Variants in WIPI1 observed in about 807,000 individuals in gnomAD.
WIPI1 encodes WD repeat domain, phosphoinositide interacting 1.
WIPI1 carries 45 observed loss-of-function variants against 55.3 expected under a neutral mutation model. The observed-to-expected ratio is 0.81, with a 90% CI of 0.64 to 1.04. The LOEUF is 1.04. Among genes scored for constraint, WIPI1 ranks in the 50% least tolerant of loss-of-function variants. WIPI1 has a pLI of 0.00. For missense variants in WIPI1, 445 were observed against 559.0 expected, an observed-to-expected ratio of 0.80 and a Z score of 2.06; for synonymous variants, 195 against 217.6, an observed-to-expected ratio of 0.90 and a Z score of 0.92.
rs999984407 is a variant in WIPI1, at chr17:68,443,181, G to A, written c.430+1312C>T. Among the ~76,000 whole-genome samples, 62 of 152,154 alleles carry A rather than the reference G, an allele frequency of 4.1e-4. 1 individual carries two copies. Among genetic ancestry groups the A allele is most frequent in the African/African-American group, 1.5e-3 (62 of 41,426 alleles). ...GCTGGAGTGCAGTGGTGCGATCTCAGCTCACTGAAGCCTCCGCCTCCTGGG... is the reference window on the plus strand; with the variant it reads ...GCTGGAGTGCAGTGGTGCGATCTCAACTCACTGAAGCCTCCGCCTCCTGGG... On this transcript the variant is annotated intron_variant, in intron 4 of 12. Transcript: ENST00000262139.
In WIPI1 at chr17:68,437,016, A is replaced by ATGTGTGTGTGTGTGTGTGTGTG. The variant is rs71142180; in HGVS notation, c.431-538_431-537insCACACACACACACACACACACA. Among the ~76,000 whole-genome samples the ATGTGTGTGTGTGTGTGTGTGTG allele has an allele frequency of 5.0e-3, 724 of 144,634 alleles. 9 individuals carry two copies. The highest frequency in any genetic ancestry group is 0.016 in the African/African-American group (628 of 38,266). The allele number at this position is 144,634 out of a possible 152,430, so 94.9% of individuals were successfully genotyped here. A position where few individuals can be genotyped will look rare whatever the true frequency, so the allele number is the denominator to read the frequency against. ...CTCAAAAAAAAAAAAATATATATAT[A>ATGTGTGTGTGTGTGTGTGTGTG]TGTGTGTGTGTGTGTGTGTGTATAT... On this transcript the variant is annotated intron_variant, in intron 4 of 12. Transcript: ENST00000262139.
At position 68,421,763 on chromosome 17, in the gene WIPI1, G is replaced by A. The variant is rs756739192; in HGVS notation, c.*10C>T. On this transcript the variant is annotated 3_prime_UTR_variant, in exon 13 of 13. Transcript: ENST00000262139. ...GGGGGGATGTCCTGATTTCTGAGGT[G>A]TGCTTCTCATCATGACTGCTTCGTT... The A allele has an allele frequency of 6.2e-7, 1 of 1,614,080 alleles. No individual in the cohort carries two copies. The highest frequency in any genetic ancestry group is 1.7e-5 in the Admixed American group (1 of 60,006).
chr17:68,430,636 T>C (rs1397473472), intron 8 of WIPI1, among the ~76,000 whole-genome samples: 3 of 152,180 alleles, frequency 2.0e-5, no homozygotes, highest in Non-Finnish European at 4.4e-5. Context: ...TGTTTGATTG[T>C]AGATAACCCT....
intron 11 of WIPI1, 72 bp from the exon 12 acceptor site, chr17:68,426,247 A>AGGGGGGGGGGGGG: frequency 3.0e-6 from 2 of 655,814 alleles, no homozygotes; most frequent in Non-Finnish European, 4.7e-6. Context: ...GCGGGTGGGG[A>AGGGGGGGGGGGGG]GCGGGGGCTC....
intron 4 of WIPI1, among the ~76,000 whole-genome samples, chr17:68,442,695 C>T (rs768280635): frequency 3.9e-5 from 6 of 152,212 alleles, no homozygotes; most frequent in Non-Finnish European, 8.8e-5. Flanking sequence ...CCCTGCCAGC[C>T]TCAAGCTCTA....
intron 3 of WIPI1, among the ~76,000 whole-genome samples, chr17:68,449,058 T>G (rs937867933): frequency 6.6e-6 from 1 of 152,228 alleles, no homozygotes; most frequent in African/African-American, 2.4e-5. Flanking sequence ...CTCATAAATT[T>G]AAAAAGCATT....
At chr17:68,457,134 G>A (rs2084663933) in intron 1 of WIPI1, among the ~76,000 whole-genome samples, 1 of 151,850 alleles carries the variant, frequency 6.6e-6, no homozygotes, top group Non-Finnish European at 1.5e-5. Context: ...GCTCTGGGAG[G>A]ACACTGGGAG....
At chr17:68,430,257 C>G in intron 8 of WIPI1, 97 bp from the exon 9 acceptor site, 1 of 1,261,796 alleles carries the variant, frequency 7.9e-7, no homozygotes, top group Non-Finnish European at 1.1e-6. Flanking sequence ...ACACTCCCCG[C>G]AGCAGGGAGA....
intron 8 of WIPI1, among the ~76,000 whole-genome samples, chr17:68,430,854 G>A (rs757362408): frequency 6.6e-6 from 1 of 152,216 alleles, no homozygotes; most frequent in Non-Finnish European, 1.5e-5. Flanking sequence ...CCAGGAGCAG[G>A]CAACTGCTGA....
At position 68,423,936 on chromosome 17, in the gene WIPI1, A is replaced by C. The variant is rs907401107; in HGVS notation, c.1294-2116T>G. 6.6e-6 allele frequency among the ~76,000 whole-genome samples: 1 copy of C among 152,220 alleles called. No homozygotes were observed. The highest frequency in any genetic ancestry group is 2.1e-4 in the South Asian group (1 of 4,828). On this transcript the variant is annotated intron_variant, in intron 12 of 12. Transcript: ENST00000262139. This position sits in a 1 kb window ranked among gnomAD's most constrained non-coding sequence, Gnocchi z 4.4. ...ACAGACTTTTACCAAAATTAGTGAA[A>C]CGGAACCTAGTGAGTGTCTGGATGT...
Position 68,433,557 on chromosome 17 carries a change from A to G in WIPI1, c.711T>C (p.Ser237=). Residue 237 remains serine, a synonymous_variant, in exon 8 of 13, where the codon TCT becomes TCC. Transcript: ENST00000262139. ...ATTGTGAATCCATACTGAACACTAG[A>G]GAGCTGATTGTCACATACCTACAAG... The part of the protein sequence containing the change: ...RGMKRYVTIS[S]LVFSMDSQFL... 1 of 1,613,808 alleles carries G rather than the reference A, an allele frequency of 6.2e-7. No individual in the cohort carries two copies. The highest frequency in any genetic ancestry group is 8.5e-7 in the Non-Finnish European group (1 of 1,179,962).
intron 3 of WIPI1, among the ~76,000 whole-genome samples, chr17:68,447,816 C>T: frequency 6.6e-6 from 1 of 151,824 alleles, no homozygotes; most frequent in Admixed American, 6.6e-5. Flanking sequence ...CATGGTGAAA[C>T]CCCATCTCTA....
intron 4 of WIPI1, among the ~76,000 whole-genome samples, chr17:68,438,355 T>C (rs2083922064): frequency 6.6e-6 from 1 of 152,214 alleles, no homozygotes. Flanking sequence ...TCACCCCTTC[T>C]GAATTCTTTG....
intron 3 of WIPI1, 98 bp downstream of exon 3, chr17:68,450,630 A>C: frequency 9.0e-6 from 13 of 1,445,196 alleles, no homozygotes; most frequent in Non-Finnish European, 1.2e-5. Flanking sequence ...TTAGAATTGG[A>C]AGCTTGTTTT....
intron 3 of WIPI1, among the ~76,000 whole-genome samples, chr17:68,447,296 T>C (rs907758570): frequency 2.6e-5 from 4 of 152,192 alleles, no homozygotes; most frequent in African/African-American, 9.7e-5. Context: ...ATAAAATATA[T>C]TTCCTCAGTT....
intron 4 of WIPI1, among the ~76,000 whole-genome samples, chr17:68,442,683 G>T (rs1054431297): frequency 2.6e-5 from 4 of 152,120 alleles, no homozygotes; most frequent in African/African-American, 9.7e-5. Context: ...GCCCAGCTCA[G>T]GCCCTGCCAG....
In WIPI1 at chr17:68,429,585, G is replaced by T. The variant is rs1356499164; in HGVS notation, c.965+411C>A. ...TGATTCCGCTCACCCTTCCTTTGGG[G>T]CAAGTTTTCTTTTTCTTTTTTGAGA... On this transcript the variant is annotated intron_variant, in intron 9 of 12. Coordinates refer to ENST00000262139, the MANE Select transcript of WIPI1 (RefSeq NM_017983.7). Among the ~76,000 whole-genome samples, 4 of 152,152 alleles carry T rather than the reference G, an allele frequency of 2.6e-5. No individual in the cohort carries two copies. In the East Asian group the frequency reaches 7.7e-4, roughly 29 times the overall value.
intron 5 of WIPI1, 131 bp from the exon 6 acceptor site, chr17:68,435,843 G>C (rs917014592): frequency 8.8e-6 from 7 of 793,916 alleles, no homozygotes; most frequent in Admixed American, 2.2e-5. Context: ...TGTCCCCCAG[G>C]CCATCTGCAT....
At chr17:68,426,234 C>CGGGGGGG in intron 11 of WIPI1, 59 bp from the exon 12 acceptor site, 1 of 705,804 alleles carries the variant, frequency 1.4e-6, no homozygotes, top group Non-Finnish European at 2.0e-6. Flanking sequence ...ATGCCATGAC[C>CGGGGGGG]TGGCGGGTGG....
Sources: allele counts gnomAD v4.1 joint callset (sites outside exome capture counted in the v4.1 genomes callset), GRCh38; gene constraint gnomAD v4.1.1; non-coding constraint Gnocchi (gnomAD v3.1); transcripts MANE v1.5; gene names NCBI Gene and HGNC (gene_info 2026-07-23, HGNC 2026-07-21).